The following COL22A1 variants were observed in gnomAD, a reference collection of about 807,000 sequenced individuals.
COL22A1 encodes collagen alpha-1(XXII) chain.
A neutral mutation model predicts 248.9 loss-of-function variants in COL22A1; 221 were observed. That is an observed-to-expected ratio of 0.89 (90% confidence interval 0.80 to 0.99). The LOEUF (loss-of-function observed/expected upper bound fraction) is 0.99, where lower values mean the gene tolerates loss of function less well. Ranked by LOEUF, COL22A1 falls within the 50% of genes least tolerant of loss-of-function variation. The probability of loss-of-function intolerance (pLI) is 0.00; values close to 1 mark genes in which losing one functional copy is unlikely to be tolerated. For missense variants in COL22A1, 2,240 were observed against 2,179.0 expected, an observed-to-expected ratio of 1.03 and a Z score of -0.56; for synonymous variants, 891 against 793.4, an observed-to-expected ratio of 1.12 and a Z score of -2.07.
chr8:138,639,722 C>A (rs1211324888), intron 47 of COL22A1, among the ~76,000 whole-genome samples: 1 of 151,940 alleles, frequency 6.6e-6, no homozygotes, highest in Non-Finnish European at 1.5e-5. Context: ...GCTTTGTGAC[C>A]CAGGAACTCA....
intron 4 of COL22A1, among the ~76,000 whole-genome samples, chr8:138,840,075 G>A (rs1022916956): frequency 6.6e-6 from 1 of 152,084 alleles, no homozygotes; most frequent in Non-Finnish European, 1.5e-5. Context: ...CCTAAAAATA[G>A]CCAGAGTCAT....
intron 17 of COL22A1, among the ~76,000 whole-genome samples, chr8:138,761,498 G>A (rs1419242370): frequency 6.6e-6 from 1 of 151,988 alleles, no homozygotes; most frequent in Non-Finnish European, 1.5e-5. Flanking sequence ...ATTTGTGGGA[G>A]ATGGAATGAA....
chr8:138,722,671 GT>G (rs1467842714), intron 25 of COL22A1, among the ~76,000 whole-genome samples: 1 of 152,156 alleles, frequency 6.6e-6, no homozygotes, highest in Non-Finnish European at 1.5e-5. Flanking sequence ...TACTGCAGCT[GT>G]TTGCAGGTGA....
rs764343646 is a variant in COL22A1 at position 138,594,080 on chromosome 8, C to A, written c.4552G>T (p.Gly1518Trp). The A allele has an allele frequency of 1.3e-6, 2 of 1,590,568 alleles. No homozygotes were observed. Among genetic ancestry groups the A allele is most frequent in the Non-Finnish European group, 1.7e-6 (2 of 1,172,182 alleles). Residue 1518 changes from glycine (G) to tryptophan (W), a missense_variant, in exon 63 of 65, where the codon GGG becomes TGG. Gly to Trp is a radical substitution (Grantham distance 184, BLOSUM62 -2). Coordinates refer to ENST00000303045, the MANE Select transcript of COL22A1 (RefSeq NM_152888.3). ...DGLPGRAGPM[G>W]EPGRPGQGGL... ...CCCTGCCCAGGACGACCTGGCTCCC[C>A]CATGGGGCCGGCCCGGCCTGGAAGC...
intron 18 of COL22A1, among the ~76,000 whole-genome samples, chr8:138,758,881 A>G (rs536631587): frequency 6.6e-6 from 1 of 152,348 alleles, no homozygotes; most frequent in Admixed American, 6.5e-5. Flanking sequence ...TCTCTAAATA[A>G]GGTGGAAGGT....
chr8:138,615,528 C>T (rs1819239941), intron 55 of COL22A1, among the ~76,000 whole-genome samples: 1 of 87,364 alleles, frequency 1.1e-5, no homozygotes, highest in Non-Finnish European at 2.6e-5. Context: ...GAGACTCCAT[C>T]TCAAAAAAAA....
chr8:138,723,848 C>T (rs1461126509), intron 25 of COL22A1, among the ~76,000 whole-genome samples: 1 of 152,216 alleles, frequency 6.6e-6, no homozygotes, highest in African/African-American at 2.4e-5. Context: ...CCTTGATCCA[C>T]ATTCTCCCAT....
At position 138,623,732 on chromosome 8, in the gene COL22A1, C is replaced by T. The variant is rs148437683; in HGVS notation, c.3771G>A (p.Pro1257=). 6,593 of 1,610,416 alleles carry T rather than the reference C, an allele frequency of 4.1e-3. 26 individuals carry two copies. Among genetic ancestry groups the T allele is most frequent in the Non-Finnish European group, 4.9e-3 (5,765 of 1,178,630 alleles). ...TAATAGGAAGTTTAGAGTCCTTTAC[C>T]GGCTCTCCAGGGGGACCCGGCTTTC... is the stretch of plus-strand genomic sequence containing the variant. ...RDGKPGPPGE[P]GKAGEPGLPG... Residue 1257 remains proline (P), a splice_region_variant and synonymous_variant, in exon 52 of 65, where the codon CCG becomes CCA. Coordinates refer to ENST00000303045, the MANE Select transcript of COL22A1 (RefSeq NM_152888.3).
rs370318441 is a variant in COL22A1, at chr8:138,619,443, C to A, written c.3825+12G>T. 128 of 1,613,612 alleles carry A rather than the reference C, an allele frequency of 7.9e-5. 1 individual carries two copies. In the African/African-American group the frequency reaches 1.5e-3, roughly 19 times the overall value. On this transcript the variant is annotated intron_variant, in intron 53 of 64. Coordinates refer to ENST00000303045, the MANE Select transcript of COL22A1 (RefSeq NM_152888.3). Reference sequence around the variant, plus strand: ...TTGGTTCTACCGTTCCCCACACACACTACACACTTACAGGTGGGCCTCGGG... The same window carrying A: ...TTGGTTCTACCGTTCCCCACACACAATACACACTTACAGGTGGGCCTCGGG...
chr8:138,660,631 T>C, intron 43 of COL22A1, 151 bp from the exon 44 acceptor site: 1 of 669,538 alleles, frequency 1.5e-6, no homozygotes, highest in Non-Finnish European at 2.6e-6. Context: ...CCAATAAAAA[T>C]GCGTGGTTTC....
At chr8:138,802,718 G>A (rs1488431251) in intron 11 of COL22A1, among the ~76,000 whole-genome samples, 154 bp downstream of exon 11, 1 of 152,154 alleles carries the variant, frequency 6.6e-6, no homozygotes, top group Non-Finnish European at 1.5e-5. Context: ...CCATGGAGAG[G>A]AGCTAGGGCT....
intron 3 of COL22A1, among the ~76,000 whole-genome samples, chr8:138,857,991 C>T (rs544760365): frequency 6.6e-6 from 1 of 152,358 alleles, no homozygotes; most frequent in South Asian, 2.1e-4. Context: ...CCTGGAATGA[C>T]AGCACATGGC....
At chr8:138,875,630 A>AGTGTGCACCT (rs1410838117) in intron 3 of COL22A1, among the ~76,000 whole-genome samples, 8 of 152,196 alleles carry the variant, frequency 5.3e-5, no homozygotes, top group African/African-American at 1.9e-4. Flanking sequence ...TGATTGATCC[A>AGTGTGCACCT]GTGTGCACCT....
chr8:138,762,315 C>T (rs1173361616), intron 17 of COL22A1, 98 bp downstream of exon 17: 4 of 1,201,894 alleles, frequency 3.3e-6, no homozygotes, highest in Non-Finnish European at 4.9e-6. Context: ...GGAGGAGGCC[C>T]AGGTGCTGAG....
intron 3 of COL22A1, among the ~76,000 whole-genome samples, chr8:138,860,365 G>A (rs1822359482): frequency 6.6e-6 from 1 of 152,166 alleles, no homozygotes. Flanking sequence ...CACTCCAGGT[G>A]GTCACCCTGA....
At chr8:138,793,915 C>A (rs1389976735) in intron 12 of COL22A1, among the ~76,000 whole-genome samples, 1 of 152,200 alleles carries the variant, frequency 6.6e-6, no homozygotes. Flanking sequence ...CCCAGAGGAA[C>A]ATGGGAAGGA....
At chr8:138,640,601 A>G (rs1220069562) in intron 47 of COL22A1, among the ~76,000 whole-genome samples, 2 of 151,986 alleles carry the variant, frequency 1.3e-5, no homozygotes, top group Admixed American at 1.3e-4. Flanking sequence ...CCCTTGTTCC[A>G]TGGTGTTAGT....
At chr8:138,755,281 T>C (rs370717247) in intron 20 of COL22A1, 71 bp from the exon 21 acceptor site, 138 of 1,481,714 alleles carry the variant, frequency 9.3e-5, no homozygotes, top group Non-Finnish European at 1.3e-4. Flanking sequence ...CCATCACCCA[T>C]GGCCCTCTCC....
chr8:138,843,951 T>G, intron 4 of COL22A1, 133 bp downstream of exon 4: 1 of 808,648 alleles, frequency 1.2e-6, no homozygotes, highest in Non-Finnish European at 2.2e-6. Flanking sequence ...TCAAACCACT[T>G]TATCAGGACT....
Sources: allele counts gnomAD v4.1 joint callset (sites outside exome capture counted in the v4.1 genomes callset), GRCh38; gene constraint gnomAD v4.1.1; transcripts MANE v1.5; gene names NCBI Gene and HGNC (gene_info 2026-07-23, HGNC 2026-07-21).